Variants in GPR39 observed in about 807,000 individuals in gnomAD.
The protein encoded by GPR39 is zinc sensing receptor.
GPR39 carries 23 observed loss-of-function variants against 18.4 expected under a neutral mutation model. That is an observed-to-expected ratio of 1.25 (90% CI 0.90 to 1.77). GPR39 has a LOEUF of 1.77. Among genes scored for constraint, GPR39 ranks in the 40% most tolerant of loss-of-function variants. The pLI, the probability that GPR39 is intolerant of heterozygous loss-of-function variation, is 0.00. For synonymous variants in GPR39, 280 were observed against 257.9 expected, an observed-to-expected ratio of 1.09 and a Z score of -0.82; for missense variants, 647 against 602.4, an observed-to-expected ratio of 1.07 and a Z score of -0.78.
At chr2:132,515,000 A>AC (rs1679306342) in intron 1 of GPR39, among the ~76,000 whole-genome samples, 2 of 152,206 alleles carry the variant, frequency 1.3e-5, no homozygotes, top group Admixed American at 6.5e-5. Context: ...AGTGAAAAAA[A>AC]CACAGTAATA....
intron 1 of GPR39, among the ~76,000 whole-genome samples, chr2:132,583,182 G>A (rs953379856): frequency 2.0e-5 from 3 of 151,852 alleles, no homozygotes; most frequent in Non-Finnish European, 4.4e-5. Flanking sequence ...CAAAGTGCTG[G>A]GATTACAGGC....
At chr2:132,509,041 C>T (rs779764407) in intron 1 of GPR39, among the ~76,000 whole-genome samples, 25 of 152,160 alleles carry the variant, frequency 1.6e-4, no homozygotes, top group Non-Finnish European at 2.9e-4. Context: ...TGAAGGGAGA[C>T]GGGCATCAGA....
At chr2:132,552,739 C>T (rs1680064865) in intron 1 of GPR39, among the ~76,000 whole-genome samples, 1 of 151,254 alleles carries the variant, frequency 6.6e-6, no homozygotes. Context: ...TTTTAAAATG[C>T]TCCCTGTGCC....
intron 1 of GPR39, among the ~76,000 whole-genome samples, chr2:132,527,495 A>G (rs897752144): frequency 2.0e-5 from 3 of 152,238 alleles, no homozygotes; most frequent in African/African-American, 7.2e-5. Context: ...TTGTAGTTCT[A>G]GATCTTTGAA....
intron 1 of GPR39, among the ~76,000 whole-genome samples, chr2:132,527,948 G>T (rs1558827343): frequency 6.6e-6 from 1 of 152,018 alleles, no homozygotes; most frequent in Non-Finnish European, 1.5e-5. Flanking sequence ...GATCCCATTT[G>T]TCTGTTTTGC....
chr2:132,468,230 G>T (rs11689323), intron 1 of GPR39, among the ~76,000 whole-genome samples: 68,978 of 152,118 alleles, frequency 0.45, 16,712 homozygotes, highest in Non-Finnish European at 0.53. Flanking sequence ...AAATGCAGAT[G>T]CAACAGTGAA....
At chr2:132,428,309 T>A (rs1442730416) in intron 1 of GPR39, among the ~76,000 whole-genome samples, 3 of 152,242 alleles carry the variant, frequency 2.0e-5, no homozygotes, top group Non-Finnish European at 4.4e-5. Flanking sequence ...ACATCGTTTG[T>A]ACCATAGAGA....
chr2:132,604,397 T>C (rs959264956), intron 1 of GPR39: 5 of 152,284 alleles, frequency 3.3e-5, no homozygotes, highest in East Asian at 3.9e-4. Flanking sequence ...CAAAGAAATC[T>C]TTGAGTTCTG....
chr2:132,628,808 C>T (rs1433182609), intron 1 of GPR39, among the ~76,000 whole-genome samples: 2 of 152,052 alleles, frequency 1.3e-5, no homozygotes, highest in Non-Finnish European at 2.9e-5. Flanking sequence ...GTTTAGTCCA[C>T]AATTGAGGAT....
intron 1 of GPR39, among the ~76,000 whole-genome samples, chr2:132,511,833 A>G (rs1203150888): frequency 1.3e-5 from 2 of 152,184 alleles, no homozygotes; most frequent in African/African-American, 2.4e-5. Flanking sequence ...CATTTTACAG[A>G]TGAGGAAACT....
At chr2:132,597,784 A>AATTT (rs1195573182) in intron 1 of GPR39, among the ~76,000 whole-genome samples, 1 of 152,180 alleles carries the variant, frequency 6.6e-6, no homozygotes, top group Non-Finnish European at 1.5e-5. Flanking sequence ...TGATGATGAA[A>AATTT]ATTTACCAGG....
chr2:132,520,366 T>G (rs1347864724), intron 1 of GPR39, among the ~76,000 whole-genome samples: 1 of 152,230 alleles, frequency 6.6e-6, no homozygotes, highest in African/African-American at 2.4e-5. Flanking sequence ...TTTGAATCCT[T>G]CATGCCAAGC....
At chr2:132,452,164 C>T (rs1680642009) in intron 1 of GPR39, among the ~76,000 whole-genome samples, 1 of 151,978 alleles carries the variant, frequency 6.6e-6, no homozygotes, top group African/African-American at 2.4e-5. Context: ...CTCATTTTTC[C>T]CCATCATAAG....
At position 132,567,894 on chromosome 2, in the gene GPR39, G is replaced by C. The variant is rs930491852; in HGVS notation, c.857-77207G>C. Among the ~76,000 whole-genome samples, 403 of 151,882 alleles carry C rather than the reference G, an allele frequency of 2.7e-3. 1 individual carries two copies. The highest frequency in any genetic ancestry group is 9.3e-3 in the African/African-American group (382 of 41,210). On this transcript the variant is annotated intron_variant, in intron 1 of 1. Coordinates refer to ENST00000329321, the MANE Select transcript of GPR39 (RefSeq NM_001508.3). ...AAAAGGGGAGTTTCCCTACACAAGCGCTCTTCTCTTGTCTGCCGCTATGTG... is the reference window on the plus strand; with the variant it reads ...AAAAGGGGAGTTTCCCTACACAAGCCCTCTTCTCTTGTCTGCCGCTATGTG...
Position 132,500,118 on chromosome 2 carries a change from T to G in GPR39, c.856+82220T>G, listed in dbSNP as rs1277902696. On this transcript the variant is annotated intron_variant, in intron 1 of 1. Transcript: ENST00000329321. ...GCTCTGGCTAGGACTTCCAGTACTA[T>G]GCTGAGTAGAAGTGGTGAAAGTGGG... Among the ~76,000 whole-genome samples, 5 of 152,342 alleles carry G rather than the reference T, an allele frequency of 3.3e-5. No individual in the cohort carries two copies. In the East Asian group the frequency reaches 5.8e-4, roughly 18 times the overall value.
At chr2:132,554,152 G>A (rs1189083554) in intron 1 of GPR39, among the ~76,000 whole-genome samples, 1 of 152,212 alleles carries the variant, frequency 6.6e-6, no homozygotes, top group African/African-American at 2.4e-5. Flanking sequence ...GCTGAATGGA[G>A]TCAGTAGACA....
intron 1 of GPR39, among the ~76,000 whole-genome samples, chr2:132,510,322 G>C (rs1645653188): frequency 6.6e-6 from 1 of 152,146 alleles, no homozygotes; most frequent in East Asian, 1.9e-4. Context: ...AGCCTAGGAT[G>C]TAATTTGAGC....
At chr2:132,476,068 A>G (rs568836591) in intron 1 of GPR39, among the ~76,000 whole-genome samples, 60 of 152,148 alleles carry the variant, frequency 3.9e-4, no homozygotes, top group African/African-American at 1.3e-3. Context: ...ACAAATGAGT[A>G]TCAAGAACTG....
At chr2:132,615,665 A>G (rs1681321213) in intron 1 of GPR39, among the ~76,000 whole-genome samples, 1 of 152,166 alleles carries the variant, frequency 6.6e-6, no homozygotes, top group South Asian at 2.1e-4. Context: ...AAATAAATAC[A>G]CTTCTCTAGC....
Sources: gnomAD v4.1 joint callset for allele counts (sites outside exome capture counted in the v4.1 genomes callset) on GRCh38, gnomAD v4.1.1 for gene constraint, MANE v1.5 for transcripts, NCBI Gene and HGNC (gene_info 2026-07-23, HGNC 2026-07-21) for gene names.